The following DYNC2H1 variants were observed in gnomAD, a reference collection of about 807,000 sequenced individuals.
DYNC2H1 encodes dynein cytoplasmic 2 heavy chain 1.
DYNC2H1 carries 410 observed loss-of-function variants against 570.0 expected under a neutral mutation model. The ratio of observed to expected loss-of-function variants is 0.72; its 90% CI spans 0.66 to 0.78. DYNC2H1 has a LOEUF of 0.78. Among genes scored for constraint, DYNC2H1 ranks in the 30% least tolerant of loss-of-function variants. The probability of loss-of-function intolerance (pLI) is 0.00; values close to 1 mark genes in which losing one functional copy is unlikely to be tolerated. For missense variants in DYNC2H1, 4,865 were observed against 5,046.4 expected (o/e 0.96, Z 1.09); for synonymous variants, 1,688 against 1,677.6 (o/e 1.01, Z -0.15).
At chr11:103,412,989 T>A (rs747492853) in intron 84 of DYNC2H1, among the ~76,000 whole-genome samples, 2 of 151,742 alleles carry the variant, frequency 1.3e-5, no homozygotes, top group Admixed American at 6.6e-5. Flanking sequence ...GGCAGAAATA[T>A]GAATTCTTGT....
In DYNC2H1 at chr11:103,221,770, C is replaced by G. The variant is rs141827708; in HGVS notation, c.9108-260C>G. 9.6e-3 allele frequency among the ~76,000 whole-genome samples: 1,458 copies of G among 152,168 alleles called. 29 individuals carry two copies. The highest frequency in any genetic ancestry group is 0.033 in the African/African-American group (1,357 of 41,528). On this transcript the variant is annotated intron_variant, in intron 57 of 88. Coordinates refer to ENST00000375735, the MANE Select transcript of DYNC2H1 (RefSeq NM_001377.3). Reference sequence around the variant, plus strand: ...ACTTGGGAGGCTGAGCTGGGAGGATCGCTTGAGCCCAGGAGGTGGAGATTG... The same window carrying G: ...ACTTGGGAGGCTGAGCTGGGAGGATGGCTTGAGCCCAGGAGGTGGAGATTG...
chr11:103,449,360 T>C (rs1039068426), intron 85 of DYNC2H1, among the ~76,000 whole-genome samples: 2 of 152,214 alleles, frequency 1.3e-5, no homozygotes, highest in Non-Finnish European at 2.9e-5. Context: ...AAGACTAGAC[T>C]GTATGCAGGA....
intron 59 of DYNC2H1, among the ~76,000 whole-genome samples, chr11:103,229,842 G>T (rs1863938702): frequency 6.6e-6 from 1 of 151,298 alleles, no homozygotes; most frequent in South Asian, 2.1e-4. Context: ...ATATATTATT[G>T]TATGTGATCA....
At chr11:103,362,755 C>T (rs760857011) in intron 83 of DYNC2H1, among the ~76,000 whole-genome samples, 36 of 152,208 alleles carry the variant, frequency 2.4e-4, no homozygotes, top group South Asian at 2.1e-4. Flanking sequence ...GGTGGCTGGG[C>T]GCAGTGGCTC....
intron 80 of DYNC2H1, 75 bp from the exon 81 acceptor site, chr11:103,320,954 A>G: frequency 2.6e-6 from 3 of 1,134,324 alleles, no homozygotes; most frequent in Non-Finnish European, 3.8e-6. Flanking sequence ...GCTACATGTT[A>G]TAAATATAAC....
chr11:103,167,905 C>T (rs976975520), intron 31 of DYNC2H1, among the ~76,000 whole-genome samples: 10 of 152,140 alleles, frequency 6.6e-5, no homozygotes, highest in East Asian at 1.9e-4. Flanking sequence ...TGTGTTCCCT[C>T]GTAGCCAATT....
chr11:103,316,680 T>A, intron 80 of DYNC2H1, 60 bp downstream of exon 80: 1 of 1,274,804 alleles, frequency 7.8e-7, no homozygotes, highest in Non-Finnish European at 1.0e-6. Context: ...GAGGTCTTAT[T>A]AACTATGTTT....
At position 103,174,060 on chromosome 11, in the gene DYNC2H1, T is replaced by A; in HGVS notation, c.5564T>A (p.Leu1855His). 4.4e-6 allele frequency: 7 copies of A among 1,579,226 alleles called. No homozygotes were observed. The highest frequency in any genetic ancestry group is 6.0e-6 in the Non-Finnish European group (7 of 1,161,122). The change falls in exon 36 of 89, where the codon CTT (leucine) becomes CAT (histidine). Residue 1855 changes from leucine to histidine, a missense_variant. Coordinates refer to ENST00000375735, the MANE Select transcript of DYNC2H1 (RefSeq NM_001377.3). Reference sequence around the variant, plus strand: ...TTTCCATGTCTCTATTTCAGGGAACTTTTGACACCTCAGCAACATTATGAT... The same window carrying A: ...TTTCCATGTCTCTATTTCAGGGAACATTTGACACCTCAGCAACATTATGAT... ...LVAIFNLSRE[L>H]LTPQQHYDWG...
chr11:103,405,864 T>A (rs1438697839), intron 84 of DYNC2H1: 1 of 152,004 alleles, frequency 6.6e-6, no homozygotes, highest in Non-Finnish European at 1.5e-5. Context: ...AATGGCTGAG[T>A]AAGCATTAGA....
At chr11:103,401,653 C>T (rs933776297) in intron 84 of DYNC2H1, among the ~76,000 whole-genome samples, 7 of 152,094 alleles carry the variant, frequency 4.6e-5, no homozygotes, top group Admixed American at 2.0e-4. Flanking sequence ...CTCTAAACTT[C>T]GCTTTTCTCA....
intron 75 of DYNC2H1, among the ~76,000 whole-genome samples, chr11:103,301,602 A>G (rs1255744505): frequency 2.0e-5 from 3 of 151,986 alleles, no homozygotes; most frequent in Non-Finnish European, 2.9e-5. Flanking sequence ...TCTAAAAGCA[A>G]TTCATCAATT....
At chr11:103,307,916 T>A (rs1867373045) in intron 78 of DYNC2H1, 85 bp downstream of exon 78, 1 of 633,020 alleles carries the variant, frequency 1.6e-6, no homozygotes, top group Admixed American at 3.2e-5. Flanking sequence ...ACAACTATTA[T>A]ACAGAACACA....
chr11:103,472,260 C>T lies in DYNC2H1; in HGVS notation c.12765+3555C>T, dbSNP rs1241058506. Among the ~76,000 whole-genome samples, 1 of 152,004 alleles carries T rather than the reference C, an allele frequency of 6.6e-6. No individual in the cohort carries two copies. Among genetic ancestry groups the T allele is most frequent in the Non-Finnish European group, 1.5e-5 (1 of 68,004 alleles). The stretch of plus-strand genomic sequence containing the variant: ...TAGAACAGGGCCAGGCACGGTGGCT[C>T]ACACCTGTAATCCCATCACTTTGGG... On this transcript the variant is annotated intron_variant, in intron 88 of 88. Coordinates refer to ENST00000375735, the MANE Select transcript of DYNC2H1 (RefSeq NM_001377.3). The surrounding 1 kb of genome is among the most constrained non-coding windows in gnomAD (Gnocchi z 4.1).
intron 34 of DYNC2H1, among the ~76,000 whole-genome samples, chr11:103,171,973 C>T (rs1364658817): frequency 2.0e-5 from 3 of 152,072 alleles, no homozygotes; most frequent in African/African-American, 4.8e-5. Flanking sequence ...AATATAAATT[C>T]GTTTGTACAG....
chr11:103,202,294 AT>A (rs10635156), intron 50 of DYNC2H1, among the ~76,000 whole-genome samples: 7 of 132,712 alleles, frequency 5.3e-5, no homozygotes, highest in East Asian at 2.3e-4. Context: ...AGAAACACAG[AT>A]TTTTTTTTTT....
At chr11:103,148,054 A>T (rs986100455) in intron 19 of DYNC2H1, among the ~76,000 whole-genome samples, 167 bp downstream of exon 19, 11 of 152,188 alleles carry the variant, frequency 7.2e-5, no homozygotes, top group African/African-American at 2.4e-4. Context: ...TAATGAAGAC[A>T]TCTTTATTAT....
At chr11:103,419,887 G>A (rs1408864773) in intron 84 of DYNC2H1, among the ~76,000 whole-genome samples, 1 of 152,108 alleles carries the variant, frequency 6.6e-6, no homozygotes, top group Non-Finnish European at 1.5e-5. Flanking sequence ...TAAGAATCAT[G>A]GTAAAACCAT....
Position 103,395,652 on chromosome 11 carries a change from C to A in DYNC2H1, c.12157-4011C>A, listed in dbSNP as rs868120597. The stretch of plus-strand genomic sequence containing the variant: ...GTTACCTATTTTTCAGAATACCCAG[C>A]AGAATTCTTACCACATTTCATTGTC... On this transcript the variant is annotated intron_variant, in intron 83 of 88. Transcript: ENST00000375735. The surrounding 1 kb of genome is among the most constrained non-coding windows in gnomAD (Gnocchi z 4.3). Among the ~76,000 whole-genome samples the A allele has an allele frequency of 8.5e-5, 13 of 152,098 alleles. No individual in the cohort carries two copies. The highest frequency in any genetic ancestry group is 1.9e-4 in the Non-Finnish European group (13 of 68,010).
In DYNC2H1 at chr11:103,302,555, CT is replaced by C. The variant is rs1004918389; in HGVS notation, c.11096-531del. Reference sequence around the variant, plus strand: ...AGCATTCTTTTCACTCTCCATACAACTTTTTTTCCCCATAACACATGGGCAT... The same window carrying C: ...AGCATTCTTTTCACTCTCCATACAACTTTTTTCCCCATAACACATGGGCAT... On this transcript the variant is annotated intron_variant, in intron 75 of 88. Coordinates refer to ENST00000375735, the MANE Select transcript of DYNC2H1 (RefSeq NM_001377.3). Among the ~76,000 whole-genome samples the C allele has an allele frequency of 5.1e-4, 78 of 151,974 alleles. 1 individual carries two copies. Among genetic ancestry groups the C allele is most frequent in the Non-Finnish European group, 1.6e-4 (11 of 67,910 alleles).
Sources: gnomAD v4.1 joint callset for allele counts (sites outside exome capture counted in the v4.1 genomes callset) on GRCh38, gnomAD v4.1.1 for gene constraint, Gnocchi (gnomAD v3.1) non-coding constraint, MANE v1.5 for transcripts, NCBI Gene and HGNC (gene_info 2026-07-23, HGNC 2026-07-21) for gene names.